Variants in LILRB2 observed in about 807,000 individuals in gnomAD.
The protein encoded by LILRB2 is leukocyte immunoglobulin like receptor B2.
Under a neutral mutation model 72.7 loss-of-function variants are expected in LILRB2, and 47 were observed. The observed-to-expected ratio is 0.65, with a 90% CI of 0.51 to 0.82. The LOEUF (loss-of-function observed/expected upper bound fraction) is 0.82. Among genes scored for constraint, LILRB2 ranks in the 40% least tolerant of loss-of-function variants. LILRB2 has a pLI of 0.00. For missense variants in LILRB2, 767 were observed against 764.8 expected (o/e 1.00, Z -0.03); for synonymous variants, 279 against 313.7 (o/e 0.89, Z 1.17).
chr19:54,275,782 AG>A, intron 13 of LILRB2, 168 bp downstream of exon 13: 1 of 934,346 alleles, frequency 1.1e-6, no homozygotes, highest in Non-Finnish European at 1.8e-6. Context: ...ACGAGGTCCC[AG>A]GACAGCAGGA....
chr19:54,276,727 G>T (rs891313912), intron 10 of LILRB2, 80 bp downstream of exon 10: 8 of 1,547,174 alleles, frequency 5.2e-6, no homozygotes, highest in Non-Finnish European at 7.0e-6. Flanking sequence ...AGCTGCATTT[G>T]CCCAGTGGTT....
chr19:54,277,406 T>C (rs1601104910), intron 9 of LILRB2, 144 bp downstream of exon 9: 3 of 1,334,082 alleles, frequency 2.2e-6, no homozygotes, highest in Non-Finnish European at 3.1e-6. Flanking sequence ...CAGGCCTCTC[T>C]CCTTTACACT....
At chr19:54,274,883 G>A in intron 13 of LILRB2, 54 bp from the exon 14 acceptor site, 2 of 1,608,394 alleles carry the variant, frequency 1.2e-6, no homozygotes, top group East Asian at 2.2e-5. Context: ...GGGGAGGCCT[G>A]GGGGCCTGGA....
chr19:54,279,172 T>C, intron 5 of LILRB2, 64 bp from the exon 6 acceptor site: 2 of 1,572,424 alleles, frequency 1.3e-6, no homozygotes, highest in Non-Finnish European at 1.7e-6. Flanking sequence ...ACCCTCCCTC[T>C]CCCCCGGTGC....
At chr19:54,275,235 C>T (rs2080167116) in intron 13 of LILRB2, 2 of 903,770 alleles carry the variant, frequency 2.2e-6, no homozygotes, top group South Asian at 3.6e-5. Flanking sequence ...GTTCTGGCCT[C>T]TGCTCCTCAC....
At chr19:54,278,033 C>G (rs1407885922) in intron 7 of LILRB2, 94 bp from the exon 8 acceptor site, 1 of 1,145,358 alleles carries the variant, frequency 8.7e-7, no homozygotes, top group African/African-American at 1.6e-5. Flanking sequence ...TGTGGCCTCC[C>G]CAGGCCCCTC....
In LILRB2 at chr19:54,277,597, C is replaced by T. The variant is rs2080299396; in HGVS notation, c.1310G>A (p.Gly437Asp). Reference protein sequence around the residue: ...PPPTGPISTPGPEDQPLTPTG... With the variant: ...PPPTGPISTPDPEDQPLTPTG... Reference sequence around the variant, plus strand: ...GGGGGTGAGGGGCTGGTCCTCAGGGCCTGCTGGGTCAGGACGGGGAGGTGA... The same window carrying T: ...GGGGGTGAGGGGCTGGTCCTCAGGGTCTGCTGGGTCAGGACGGGGAGGTGA... The change falls in exon 9 of 14, where the codon GGC (glycine) becomes GAC (aspartate). Residue 437 changes from glycine to aspartate, a missense_variant and splice_region_variant. By Grantham distance (94) the Gly-to-Asp change is moderately conservative. Coordinates refer to ENST00000314446, the MANE Select transcript of LILRB2 (RefSeq NM_001080978.4). 6.4e-6 allele frequency: 10 copies of T among 1,574,542 alleles called. No homozygotes were observed. Among genetic ancestry groups the T allele is most frequent in the African/African-American group, 5.4e-5 (4 of 74,268 alleles).
rs140315569 is a variant in LILRB2, at chr19:54,279,906, G to A, written c.240C>T (p.Asn80=). The A allele has an allele frequency of 2.1e-4, 346 of 1,614,094 alleles. No homozygotes were observed. In the African/African-American group the frequency reaches 2.2e-3, roughly 10 times the overall value. ...ITRIRPELVK[N]GQFHIPSITW... ...TGATGGATGGGATGTGGAACTGGCC[G>A]TTCTTCACAAGCTCTGGTCGTATCC... The change falls in exon 4 of 14, where the codon AAC becomes AAT. Residue 80 remains asparagine, a synonymous_variant. Coordinates refer to ENST00000314446, the MANE Select transcript of LILRB2 (RefSeq NM_001080978.4).
In LILRB2 at chr19:54,274,325, G is replaced by GTT. The variant is rs372099514; in HGVS notation, c.*356_*357dup. On this transcript the variant is annotated 3_prime_UTR_variant, in exon 14 of 14. Coordinates refer to ENST00000314446, the MANE Select transcript of LILRB2 (RefSeq NM_001080978.4). ...GAAAGCCAACGTCATTCATTTCCTA[G>GTT]TTTTTTTTTTTCGTTTCTACTTTTT... 6.8e-4 allele frequency: 132 copies of GTT among 193,030 alleles called. No individual in the cohort carries two copies. The highest frequency in any genetic ancestry group is 2.0e-3 in the Middle Eastern group (1 of 506). The allele number at this position is 193,030 out of a possible 1,614,324, so 12.0% of individuals were successfully genotyped here. A position where few individuals can be genotyped will look rare whatever the true frequency, so the allele number is the denominator to read the frequency against.
chr19:54,280,463 C>G lies in LILRB2; in HGVS notation c.34G>C (p.Gly12Arg). 8 of 1,614,010 alleles carry G rather than the reference C, an allele frequency of 5.0e-6. No individual in the cohort carries two copies. Among genetic ancestry groups the G allele is most frequent in the Non-Finnish European group, 6.8e-6 (8 of 1,179,960 alleles). ...TPIVTVLICL[G>R]LSLGPRTRVQ... ...GCTCCCCTCTCTCTTCAAATCTCAC[C>G]GAGACAGATCAGGACTGTGACGATG... is the stretch of plus-strand genomic sequence containing the variant. The change falls in exon 2 of 14, where the codon GGG becomes CGG. Residue 12 changes from glycine (G) to arginine (R), a missense_variant and splice_region_variant. This residue lies in a region of LILRB2 where 599 missense variants were observed against 568.2 expected (regional missense o/e 1.05). Transcript: ENST00000314446.
chr19:54,280,000 C>A lies in LILRB2; in HGVS notation c.146G>T (p.Cys49Phe). The A allele has an allele frequency of 6.2e-7, 1 of 1,614,134 alleles. No individual in the cohort carries two copies. Among genetic ancestry groups the A allele is most frequent in the Non-Finnish European group, 8.5e-7 (1 of 1,180,006 alleles). Residue 49 changes from cysteine (C) to phenylalanine (F), a missense_variant, in exon 4 of 14, where the codon TGT becomes TTT. Physicochemically the swap from Cys to Phe is radical, Grantham distance 205 (BLOSUM62 -2). This residue lies in a region of LILRB2 where 599 missense variants were observed against 568.2 expected (regional missense o/e 1.05). Coordinates refer to ENST00000314446, the MANE Select transcript of LILRB2 (RefSeq NM_001080978.4). ...CTCCTGGGCTTCAAGGCTCCCCTGA[C>A]AACTGAGGGTGACGGGACTCCCCTG... ...ITQGSPVTLS[C>F]QGSLEAQEYR...
chr19:54,276,709 T>G, intron 10 of LILRB2, 98 bp downstream of exon 10: 1 of 1,529,924 alleles, frequency 6.5e-7, no homozygotes, highest in Non-Finnish European at 8.8e-7. Flanking sequence ...GCTGGAACAG[T>G]TTCTCAAAGC....
chr19:54,280,036 G>C lies in LILRB2; in HGVS notation c.110C>G (p.Ser37Cys). 1 of 1,614,094 alleles carries C rather than the reference G, an allele frequency of 6.2e-7. No homozygotes were observed. The highest frequency in any genetic ancestry group is 8.5e-7 in the Non-Finnish European group (1 of 1,179,982). The change falls in exon 4 of 14, where the codon TCT (serine) becomes TGT (cysteine). Residue 37 changes from serine to cysteine, a missense_variant. Coordinates refer to ENST00000314446, the MANE Select transcript of LILRB2 (RefSeq NM_001080978.4). Reference sequence around the variant, plus strand: ...GACGGGACTCCCCTGGGTGATCACAGAGTCTGGCTCAGCCCACAGGGTGGG... The same window carrying C: ...GACGGGACTCCCCTGGGTGATCACACAGTCTGGCTCAGCCCACAGGGTGGG... ...PKPTLWAEPD[S>C]VITQGSPVTL...
Position 54,278,783 on chromosome 19 carries a change from T to C in LILRB2, c.955+29A>G, listed in dbSNP as rs1569104358. On this transcript the variant is annotated intron_variant, in intron 6 of 13. Coordinates refer to ENST00000314446, the MANE Select transcript of LILRB2 (RefSeq NM_001080978.4). ...CGGCAGGGCCTGTGCAGAGTCTGGG[T>C]CCCTGACTGAACCCGCTGGGCTCCT... 10 of 1,609,726 alleles carry C rather than the reference T, an allele frequency of 6.2e-6. No homozygotes were observed. The South Asian group carries it at 9.9e-5, about 16-fold the overall frequency.
chr19:54,279,282 C>G, intron 5 of LILRB2, 63 bp downstream of exon 5: 4 of 1,565,598 alleles, frequency 2.6e-6, no homozygotes, highest in Non-Finnish European at 3.5e-6. Context: ...CACGGCTGCT[C>G]CCCACCTGCC....
At chr19:54,280,101 C>T (rs376016750) in intron 3 of LILRB2, 26 bp from the exon 4 acceptor site, 34 of 1,612,502 alleles carry the variant, frequency 2.1e-5, no homozygotes, top group Admixed American at 5.0e-5. Flanking sequence ...AGGTCAGATT[C>T]GAAGTCATTT....
In LILRB2 at chr19:54,274,770, G is replaced by A. The variant is rs151307136; in HGVS notation, c.1707C>T (p.Leu569=). 1,574 of 1,613,712 alleles carry A rather than the reference G, an allele frequency of 9.8e-4. 6 individuals are homozygous for A. In the African/African-American group the frequency reaches 0.01, roughly 11 times the overall value. ...GAGGAGGCTCAGTTGCCTTCCGTCT[G>A]AGGGTCAAGCTGTGCAGCTGGGCGT... ...VTYAQLHSLT[L]RRKATEPPPS... The change falls in exon 14 of 14, where the codon CTC becomes CTT. Residue 569 remains leucine (L), a synonymous_variant. Coordinates refer to ENST00000314446, the MANE Select transcript of LILRB2 (RefSeq NM_001080978.4).
In LILRB2 at chr19:54,278,343, C is replaced by A; in HGVS notation, c.1175G>T (p.Gly392Val). 1.9e-6 allele frequency: 3 copies of A among 1,614,204 alleles called. No individual in the cohort carries two copies. The highest frequency in any genetic ancestry group is 2.5e-6 in the Non-Finnish European group (3 of 1,180,020). Residue 392 changes from glycine to valine, a missense_variant, in exon 7 of 14, where the codon GGG becomes GTG. This residue lies in a region of LILRB2 where 599 missense variants were observed against 568.2 expected (regional missense o/e 1.05). Transcript: ENST00000314446. The part of the protein sequence containing the change: ...PMSPVTSAHA[G>V]TYRCYGSLNS... ...GAGTGAGCCGTAGCACCTGTAGGTC[C>A]CCGCGTGGGCTGAGGTCACAGGACT... is the stretch of plus-strand genomic sequence containing the variant.
chr19:54,277,690 C>G lies in LILRB2; in HGVS notation c.1310-93G>C, dbSNP rs1418043189. The G allele has an allele frequency of 6.7e-5, 97 of 1,442,662 alleles. 2 individuals carry two copies. The highest frequency in any genetic ancestry group is 8.8e-5 in the Non-Finnish European group (93 of 1,061,206). The allele number at this position is 1,442,662 out of a possible 1,614,324, so 89.4% of individuals were successfully genotyped here. On this transcript the variant is annotated intron_variant, in intron 8 of 13. Coordinates refer to ENST00000314446, the MANE Select transcript of LILRB2 (RefSeq NM_001080978.4). ...TCCCCCAGGCTGGGCCCCAACATTT[C>G]TCTCTGCCTTGACCCCCCACCCCTC...
Sources: gnomAD v4.1 joint callset for allele counts on GRCh38, gnomAD v4.1.1 for gene constraint, gnomAD v4.1.1 regional missense constraint, MANE v1.5 for transcripts, NCBI Gene and HGNC (gene_info 2026-07-23, HGNC 2026-07-21) for gene names.